Variants in SYT17 observed in about 807,000 individuals in gnomAD.
SYT17 encodes the protein synaptotagmin 17.
A neutral mutation model predicts 46.7 loss-of-function variants in SYT17; 22 were observed. The ratio of observed to expected loss-of-function variants is 0.47; its 90% CI spans 0.34 to 0.67. The LOEUF (loss-of-function observed/expected upper bound fraction) is 0.67. SYT17 is among the 30% of genes least tolerant of loss of function. SYT17 has a pLI of 0.01. For synonymous variants in SYT17, 251 were observed against 248.4 expected (o/e 1.01, Z -0.10); for missense variants, 519 against 612.8 (o/e 0.85, Z 1.62).
intron 7 of SYT17, among the ~76,000 whole-genome samples, chr16:19,226,615 G>A (rs746688635): frequency 1.2e-4 from 18 of 152,122 alleles, no homozygotes; most frequent in Non-Finnish European, 2.4e-4. Context: ...GCTGCTGTCC[G>A]GATGGAGTTA....
chr16:19,193,422 G>C (rs895895978), intron 5 of SYT17, among the ~76,000 whole-genome samples: 1 of 152,190 alleles, frequency 6.6e-6, no homozygotes, highest in Non-Finnish European at 1.5e-5. Flanking sequence ...CTGGAATGCT[G>C]GATATTTATG....
At chr16:19,261,785 T>C (rs2269794) in intron 7 of SYT17, among the ~76,000 whole-genome samples, 11,808 of 152,268 alleles carry the variant, frequency 0.078, 1,137 homozygotes, top group East Asian at 0.35. Flanking sequence ...CCTAGCAATA[T>C]GTGTTGGAGA....
intron 7 of SYT17, among the ~76,000 whole-genome samples, chr16:19,244,487 C>T (rs1567229802): frequency 1.3e-5 from 2 of 152,020 alleles, no homozygotes; most frequent in African/African-American, 4.8e-5. Flanking sequence ...GTATGTGCCA[C>T]CGTGCCTGCC....
intron 7 of SYT17, among the ~76,000 whole-genome samples, chr16:19,233,163 C>T (rs1157102049): frequency 6.6e-6 from 1 of 152,198 alleles, no homozygotes; most frequent in Admixed American, 6.5e-5. Context: ...AGAGCGAGTG[C>T]CAAGGCACCT....
chr16:19,219,052 T>C (rs1966201839), intron 5 of SYT17, among the ~76,000 whole-genome samples: 1 of 152,232 alleles, frequency 6.6e-6, no homozygotes, highest in Non-Finnish European at 1.5e-5. Context: ...CTAATTTGTC[T>C]TGTTTTCCTT....
At chr16:19,235,170 G>A (rs1966835384) in intron 7 of SYT17, among the ~76,000 whole-genome samples, 2 of 152,174 alleles carry the variant, frequency 1.3e-5, no homozygotes, top group South Asian at 2.1e-4. Context: ...ACAGTATGGG[G>A]AGTATTATAA....
intron 5 of SYT17, among the ~76,000 whole-genome samples, chr16:19,207,183 C>G (rs1965705441): frequency 6.6e-6 from 1 of 152,196 alleles, no homozygotes; most frequent in South Asian, 2.1e-4. Flanking sequence ...GCCTGAGACC[C>G]TCACCAGAAG....
intron 3 of SYT17, among the ~76,000 whole-genome samples, chr16:19,175,478 A>C (rs12917978): frequency 0.069 from 10,551 of 151,894 alleles, 434 homozygotes; most frequent in Non-Finnish European, 0.095. Context: ...ACACGATGAG[A>C]CCCCTATCTC....
chr16:19,249,283 T>TAAATAAATAAAC (rs1967844583), intron 7 of SYT17, among the ~76,000 whole-genome samples: 1 of 130,486 alleles, frequency 7.7e-6, no homozygotes, highest in Non-Finnish European at 1.5e-5. Flanking sequence ...CAAAAATAAA[T>TAAATAAATAAAC]AAATAAATAA....
intron 3 of SYT17, among the ~76,000 whole-genome samples, chr16:19,179,821 G>A (rs370654445): frequency 6.6e-6 from 1 of 152,086 alleles, no homozygotes; most frequent in African/African-American, 2.4e-5. Flanking sequence ...ATTGAGTCAC[G>A]GCTGCTGCTA....
chr16:19,175,341 A>C (rs1296627302), intron 3 of SYT17, among the ~76,000 whole-genome samples: 1 of 151,858 alleles, frequency 6.6e-6, no homozygotes, highest in East Asian at 1.9e-4. Context: ...ATTTTTGGTG[A>C]AAGCAACTCA....
At chr16:19,231,691 G>A (rs1212174357) in intron 7 of SYT17, among the ~76,000 whole-genome samples, 1 of 152,018 alleles carries the variant, frequency 6.6e-6, no homozygotes, top group African/African-American at 2.4e-5. Flanking sequence ...GTGGGAGGGG[G>A]TGGGACCAGC....
chr16:19,172,649 T>C (rs1567195704), intron 1 of SYT17, 111 bp from the exon 2 acceptor site: 4 of 1,549,676 alleles, frequency 2.6e-6, no homozygotes, highest in Non-Finnish European at 3.5e-6. Context: ...TTTTTTTTTT[T>C]GTAAAATTTT....
In SYT17 at chr16:19,195,063, C is replaced by T. The variant is rs1349925321; in HGVS notation, c.951+10916C>T. ...CCCAGCTGTGTGAACTTGGGTCTAA[C>T]TCCTAGGCTGTACATTAGGGATAAT... is the stretch of plus-strand genomic sequence containing the variant. On this transcript the variant is annotated intron_variant, in intron 5 of 7. Transcript: ENST00000355377. 2.6e-5 allele frequency among the ~76,000 whole-genome samples: 4 copies of T among 152,218 alleles called. No individual in the cohort carries two copies. The East Asian group carries it at 7.7e-4, about 29-fold the overall frequency.
intron 7 of SYT17, among the ~76,000 whole-genome samples, chr16:19,255,735 T>C (rs1432596007): frequency 6.6e-6 from 1 of 152,130 alleles, no homozygotes; most frequent in African/African-American, 2.4e-5. Context: ...CAGTGAGCTA[T>C]AATCATGCCA....
intron 5 of SYT17, 100 bp from the exon 6 acceptor site, chr16:19,222,945 A>G (rs998654971): frequency 2.8e-5 from 43 of 1,531,180 alleles, no homozygotes; most frequent in Non-Finnish European, 3.6e-5. Context: ...ATGCGCTCAC[A>G]GCAACCTGTT....
At position 19,174,803 on chromosome 16, in the gene SYT17, CTT is replaced by C. The variant is rs1964249662; in HGVS notation, c.182+1227_182+1228del. 2.1e-5 allele frequency among the ~76,000 whole-genome samples: 3 copies of C among 142,398 alleles called. No individual in the cohort carries two copies. The South Asian group carries it at 6.5e-4, about 31-fold the overall frequency. 93.4% of individuals were successfully genotyped at this position (142,398 alleles called of 152,430 possible). A position where few individuals can be genotyped will look rare whatever the true frequency, so the allele number is the denominator to read the frequency against. ...GAAAAGTAGTTAGGAATGCTTGATACTTTGTTGGTGATCATACATGTAAGTAA... is the reference window on the plus strand; with the variant it reads ...GAAAAGTAGTTAGGAATGCTTGATACTGTTGGTGATCATACATGTAAGTAA... On this transcript the variant is annotated intron_variant, in intron 3 of 7. Transcript: ENST00000355377.
chr16:19,174,388 A>G (rs998190149), intron 3 of SYT17, among the ~76,000 whole-genome samples: 4 of 152,126 alleles, frequency 2.6e-5, no homozygotes, highest in African/African-American at 7.2e-5. Flanking sequence ...TGAGCTTGTC[A>G]TGCTTCGGAG....
intron 5 of SYT17, chr16:19,211,352 T>G: frequency 1.4e-6 from 1 of 697,002 alleles, no homozygotes; most frequent in Non-Finnish European, 2.6e-6. Context: ...CAGCTCAGCC[T>G]CTGTGTTGGG....
Sources: gnomAD v4.1 joint callset for allele counts (sites outside exome capture counted in the v4.1 genomes callset) on GRCh38, gnomAD v4.1.1 for gene constraint, MANE v1.5 for transcripts, NCBI Gene and HGNC (gene_info 2026-07-23, HGNC 2026-07-21) for gene names.